Variants in C12orf42 observed in about 807,000 individuals in gnomAD.
C12orf42 encodes the protein uncharacterized protein C12orf42.
In C12orf42, 25 loss-of-function variants were observed where a neutral mutation model predicts 21.6. The observed-to-expected ratio is 1.16, with a 90% CI of 0.84 to 1.62. The LOEUF is 1.62. Among genes scored for constraint, C12orf42 ranks in the 40% most tolerant of loss-of-function variants. C12orf42 has a pLI of 0.00. For missense variants in C12orf42, 483 were observed against 459.3 expected (o/e 1.05, Z -0.47); for synonymous variants, 174 against 175.0 (o/e 0.99, Z 0.05).
At chr12:103,494,867 T>C (rs1367694306) in intron 1 of C12orf42, among the ~76,000 whole-genome samples, 1 of 152,098 alleles carries the variant, frequency 6.6e-6, no homozygotes, top group Non-Finnish European at 1.5e-5. Context: ...GTTACGTGAA[T>C]GGGAGGGTTT....
At chr12:103,068,376 G>C in the C12orf42 span, among the ~76,000 whole-genome samples, 2 of 152,274 alleles carry the variant, frequency 1.3e-5, no homozygotes, top group African/African-American at 4.8e-5. Context: ...ACAAAGGATA[G>C]TTGTATTCTG....
the C12orf42 span, among the ~76,000 whole-genome samples, chr12:103,062,726 T>C: frequency 6.6e-6 from 1 of 152,230 alleles, no homozygotes; most frequent in Non-Finnish European, 1.5e-5. Flanking sequence ...GTATTTTTCT[T>C]TGTTGTTAAT....
At chr12:103,501,837 T>A in the C12orf42 span, among the ~76,000 whole-genome samples, 3 of 152,164 alleles carry the variant, frequency 2.0e-5, no homozygotes, top group African/African-American at 7.2e-5. Flanking sequence ...CCCACAGACA[T>A]CTTTTATTTA....
intron 1 of C12orf42, among the ~76,000 whole-genome samples, chr12:103,482,984 G>A (rs946160443): frequency 6.6e-6 from 1 of 151,814 alleles, no homozygotes; most frequent in African/African-American, 2.4e-5. Flanking sequence ...TCTGTTTCTT[G>A]CTTATAGTTT....
the C12orf42 span, among the ~76,000 whole-genome samples, chr12:103,103,538 ACC>A: frequency 6.6e-6 from 1 of 152,214 alleles, no homozygotes; most frequent in Admixed American, 6.5e-5. Flanking sequence ...CTTGAAATGT[ACC>A]ACTATCTGTT....
intron 4 of C12orf42, among the ~76,000 whole-genome samples, chr12:103,310,663 C>T (rs999948665): frequency 2.0e-5 from 3 of 152,188 alleles, no homozygotes; most frequent in Admixed American, 6.5e-5. Flanking sequence ...CAGCTTAGAA[C>T]AGTGGGAATG....
At chr12:103,182,406 T>C in the C12orf42 span, among the ~76,000 whole-genome samples, 96 of 152,224 alleles carry the variant, frequency 6.3e-4, no homozygotes, top group African/African-American at 1.9e-3. Context: ...GAAACAGATA[T>C]GAAATAGGTA....
chr12:103,465,335 C>T (rs1953036229), intron 2 of C12orf42, among the ~76,000 whole-genome samples: 1 of 152,046 alleles, frequency 6.6e-6, no homozygotes, highest in Admixed American at 6.5e-5. Context: ...AGCTGTATTC[C>T]TAAGTATTTT....
At chr12:103,079,948 T>A in the C12orf42 span, among the ~76,000 whole-genome samples, 1 of 152,224 alleles carries the variant, frequency 6.6e-6, no homozygotes, top group Admixed American at 6.5e-5. Flanking sequence ...TATAAGAATA[T>A]AGTCTATTCC....
chr12:103,086,314 C>T, the C12orf42 span, among the ~76,000 whole-genome samples: 89 of 150,586 alleles, frequency 5.9e-4, no homozygotes, highest in African/African-American at 2.1e-3. Flanking sequence ...TTTTTGAGAG[C>T]AATATTTTCA....
At chr12:103,336,059 T>C (rs997555291) in intron 4 of C12orf42, among the ~76,000 whole-genome samples, 1 of 152,030 alleles carries the variant, frequency 6.6e-6, no homozygotes, top group African/African-American at 2.4e-5. Context: ...TTTCAGCAAG[T>C]ATTTGTTGAA....
intron 5 of C12orf42, 118 bp from the exon 6 acceptor site, chr12:103,302,677 A>AAAC: frequency 4.1e-6 from 3 of 725,380 alleles, no homozygotes; most frequent in Non-Finnish European, 6.1e-6. Context: ...CTCAGAGGGG[A>AAAC]AAGAAAAAAA....
At chr12:103,542,336 G>C in the C12orf42 span, among the ~76,000 whole-genome samples, 3 of 152,244 alleles carry the variant, frequency 2.0e-5, no homozygotes, top group Admixed American at 6.5e-5. Flanking sequence ...GGAAATTCTA[G>C]ATAAGCTGAA....
chr12:103,413,158 A>G lies in C12orf42; in HGVS notation c.79-11483T>C, dbSNP rs115686453. Among the ~76,000 whole-genome samples the G allele has an allele frequency of 5.6e-3, 853 of 152,256 alleles. 9 individuals are homozygous for G. Among genetic ancestry groups the G allele is most frequent in the African/African-American group, 0.02 (819 of 41,562 alleles). On this transcript the variant is annotated intron_variant, in intron 2 of 5. Transcript: ENST00000548883. ...TACATGGGTGAAAGCTGGTGAAAGTATCTTCAGCATATAGCTAGCCAGTTA... is the reference window on the plus strand; with the variant it reads ...TACATGGGTGAAAGCTGGTGAAAGTGTCTTCAGCATATAGCTAGCCAGTTA...
intron 2 of C12orf42, among the ~76,000 whole-genome samples, chr12:103,462,311 A>C (rs1952790571): frequency 6.6e-6 from 1 of 151,336 alleles, no homozygotes; most frequent in Non-Finnish European, 1.5e-5. Flanking sequence ...GGGTTTTGCC[A>C]TGTTGGCCAG....
intron 10 of C12orf42, among the ~76,000 whole-genome samples, chr12:103,241,985 T>TG (rs1264476905): frequency 2.0e-5 from 3 of 152,180 alleles, no homozygotes; most frequent in African/African-American, 7.2e-5. Flanking sequence ...ATTAAACACT[T>TG]GCTGAATCCT....
rs151206218 is a variant in C12orf42 at position 103,292,711 on chromosome 12, T to C, written n.338-15501A>G. On this transcript the variant is annotated intron_variant and non_coding_transcript_variant, in intron 4 of 6. Transcript: ENST00000546526. The stretch of plus-strand genomic sequence containing the variant: ...GAGTATTGCTAGGTATACTGACTAA[T>C]AATAAGACTGAAATCTCCATTTCAA... Among the ~76,000 whole-genome samples, 730 of 152,224 alleles carry C rather than the reference T, an allele frequency of 4.8e-3. 2 individuals are homozygous for C. Among genetic ancestry groups the C allele is most frequent in the Non-Finnish European group, 6.0e-3 (405 of 67,970 alleles).
chr12:103,546,086 C>T, the C12orf42 span, among the ~76,000 whole-genome samples: 1 of 152,070 alleles, frequency 6.6e-6, no homozygotes, highest in Non-Finnish European at 1.5e-5. Context: ...AGAAAGTATC[C>T]TAGGGAGATC....
chr12:103,294,124 ACCAAGG>A (rs1054654063), intron 4 of C12orf42, among the ~76,000 whole-genome samples: 1 of 152,114 alleles, frequency 6.6e-6, no homozygotes, highest in Non-Finnish European at 1.5e-5. Flanking sequence ...CAACCCCAGC[ACCAAGG>A]CCAGTGCCTT....
Sources: gnomAD v4.1 joint callset for allele counts (sites outside exome capture counted in the v4.1 genomes callset) on GRCh38, gnomAD v4.1.1 for gene constraint, MANE v1.5 for transcripts, NCBI Gene and HGNC (gene_info 2026-07-23, HGNC 2026-07-21) for gene names.